Variants in CD96 observed in about 807,000 individuals in gnomAD.
The protein encoded by CD96 is T-cell surface protein tactile.
A neutral mutation model predicts 71.3 loss-of-function variants in CD96; 70 were observed. The ratio of observed to expected loss-of-function variants is 0.98; its 90% CI spans 0.81 to 1.20. The LOEUF (loss-of-function observed/expected upper bound fraction) is 1.20. Ranked by LOEUF, CD96 falls within the 50% of genes most tolerant of loss-of-function variation. The probability of loss-of-function intolerance (pLI) is 0.00; values close to 1 mark genes in which losing one functional copy is unlikely to be tolerated. For synonymous variants in CD96, 248 were observed against 233.0 expected, an observed-to-expected ratio of 1.06 and a Z score of -0.59; for missense variants, 742 against 677.5, an observed-to-expected ratio of 1.10 and a Z score of -1.06.
At chr3:111,619,838 C>T (rs1938434476) in intron 8 of CD96, among the ~76,000 whole-genome samples, 1 of 152,176 alleles carries the variant, frequency 6.6e-6, no homozygotes, top group Non-Finnish European at 1.5e-5. Flanking sequence ...TAAAACAAAA[C>T]AAAACTCCTA....
At chr3:111,587,164 T>C (rs2107607620) in intron 5 of CD96, among the ~76,000 whole-genome samples, 1 of 152,338 alleles carries the variant, frequency 6.6e-6, no homozygotes, top group East Asian at 1.9e-4. Context: ...CTCCTTTGAC[T>C]CCAAGACTCA....
chr3:111,616,234 C>A (rs954069913), intron 8 of CD96, among the ~76,000 whole-genome samples: 1 of 152,044 alleles, frequency 6.6e-6, no homozygotes, highest in Admixed American at 6.5e-5. Context: ...TCACCTAGAA[C>A]AATGATAACA....
chr3:111,553,421 G>C (rs1030375946), intron 2 of CD96, among the ~76,000 whole-genome samples: 1 of 141,670 alleles, frequency 7.1e-6, no homozygotes, highest in Non-Finnish European at 1.5e-5. Flanking sequence ...ATAACATTTA[G>C]GTTTTCTTTT....
At chr3:111,545,503 C>A (rs757651370) in intron 2 of CD96, 101 bp downstream of exon 2, 38 of 809,990 alleles carry the variant, frequency 4.7e-5, no homozygotes, top group Non-Finnish European at 6.8e-5. Context: ...GCTCAGCATA[C>A]AAAGGTTGAG....
At chr3:111,655,035 A>G (rs184998889), downstream of CD96, among the ~76,000 whole-genome samples, 151 of 152,348 alleles carry the variant, frequency 9.9e-4, no homozygotes, top group African/African-American at 3.5e-3. Flanking sequence ...GAAGATGATC[A>G]GGGATCTGAG....
At chr3:111,594,329 A>G (rs1411952827) in intron 5 of CD96, 3 of 1,163,892 alleles carry the variant, frequency 2.6e-6, no homozygotes, top group African/African-American at 1.5e-5. Context: ...ATAATGGCCA[A>G]AGTCTGGCCA....
In CD96 at chr3:111,570,845, A is replaced by G. The variant is rs555829706; in HGVS notation, c.543+3198A>G. 1.1e-4 allele frequency: 183 copies of G among 1,611,510 alleles called. 1 individual carries two copies. The African/African-American group carries it at 2.3e-3, about 20-fold the overall frequency. On this transcript the variant is annotated intron_variant, in intron 3 of 13. Coordinates refer to ENST00000352690, the MANE Select transcript of CD96 (RefSeq NM_005816.5). ...TGGGGGACCCCAGGCTTGTGGCTCC[A>G]GGGTGCAAGGGTCCTGACCGCTCTT...
intron 4 of CD96, among the ~76,000 whole-genome samples, chr3:111,579,796 C>T (rs1441839547): frequency 6.6e-6 from 1 of 152,166 alleles, no homozygotes; most frequent in Non-Finnish European, 1.5e-5. Flanking sequence ...GCAGAGACCT[C>T]ATGATTCAAT....
At chr3:111,552,533 A>T (rs1934768966) in intron 2 of CD96, among the ~76,000 whole-genome samples, 1 of 152,180 alleles carries the variant, frequency 6.6e-6, no homozygotes, top group Non-Finnish European at 1.5e-5. Context: ...AAATAGTCCA[A>T]ATACTAAATA....
In CD96 at chr3:111,563,565, AT is replaced by A. The variant is rs553207608; in HGVS notation, c.419-3955del. Among the ~76,000 whole-genome samples the A allele has an allele frequency of 2.6e-4, 40 of 152,240 alleles. No individual in the cohort carries two copies. In the East Asian group the frequency reaches 7.5e-3, roughly 29 times the overall value. On this transcript the variant is annotated intron_variant, in intron 2 of 13. Coordinates refer to ENST00000352690, the MANE Select transcript of CD96 (RefSeq NM_005816.5). ...GCAATTTAATGACTACCTTTAGTCA[AT>A]TTCCACGGCCCTAAAATTGTTGTTG...
At chr3:111,657,823 A>G (rs1940270304) in intron 14 of CD96, among the ~76,000 whole-genome samples, 1 of 152,118 alleles carries the variant, frequency 6.6e-6, no homozygotes, top group Admixed American at 6.5e-5. Flanking sequence ...CATGAAGGTT[A>G]GTGTCCTTCC....
intron 2 of CD96, among the ~76,000 whole-genome samples, chr3:111,561,585 T>C (rs1478212232): frequency 2.8e-5 from 4 of 145,082 alleles, no homozygotes; most frequent in South Asian, 2.4e-4. Context: ...TCCAGCTGCG[T>C]GCTGGGAGAA....
chr3:111,567,813 T>C (rs537299593), intron 3 of CD96, among the ~76,000 whole-genome samples, 166 bp downstream of exon 3: 1 of 152,360 alleles, frequency 6.6e-6, no homozygotes, highest in South Asian at 2.1e-4. Flanking sequence ...CTCAGATTCC[T>C]TCTCACAGGC....
intron 3 of CD96, chr3:111,570,865 G>A (rs1935947597): frequency 8.1e-6 from 13 of 1,608,736 alleles, no homozygotes; most frequent in Admixed American, 3.3e-5. Flanking sequence ...GGTCCTGACC[G>A]CTCTTCCAAG....
At chr3:111,615,699 G>C (rs1938196605) in intron 8 of CD96, among the ~76,000 whole-genome samples, 1 of 152,150 alleles carries the variant, frequency 6.6e-6, no homozygotes, top group Non-Finnish European at 1.5e-5. Flanking sequence ...GATAGATACT[G>C]ATGTAAACAA....
intron 7 of CD96, among the ~76,000 whole-genome samples, chr3:111,604,114 GATT>G (rs1937560417): frequency 6.6e-6 from 1 of 152,134 alleles, no homozygotes; most frequent in African/African-American, 2.4e-5. Flanking sequence ...CAAGCCCTGG[GATT>G]TGGCTTACTT....
At chr3:111,571,222 T>G (rs1274784250) in intron 3 of CD96, among the ~76,000 whole-genome samples, 10 of 6,858 alleles carry the variant, frequency 1.5e-3, no homozygotes, top group South Asian at 9.8e-3. Context: ...GGTTTTTGGT[T>G]TTTTTTTTTT....
At chr3:111,643,763 A>G (rs1378277824) in intron 12 of CD96, among the ~76,000 whole-genome samples, 1 of 149,646 alleles carries the variant, frequency 6.7e-6, no homozygotes, top group Admixed American at 6.7e-5. Context: ...TGAAATACTT[A>G]GGAATATCCT....
intron 2 of CD96, among the ~76,000 whole-genome samples, chr3:111,556,401 G>T (rs1259451004): frequency 8.9e-6 from 1 of 112,174 alleles, no homozygotes; most frequent in East Asian, 2.9e-4. Context: ...TCCCCTTCCT[G>T]TGTCCATGTG....
Sources: allele counts gnomAD v4.1 joint callset (sites outside exome capture counted in the v4.1 genomes callset), GRCh38; gene constraint gnomAD v4.1.1; transcripts MANE v1.5; gene names NCBI Gene and HGNC (gene_info 2026-07-23, HGNC 2026-07-21).